The following UNC79 variants were observed in gnomAD, a reference collection of about 807,000 sequenced individuals.
UNC79 encodes unc-79 subunit of NALCN channel complex, also known as protein unc-79 homolog.
Under a neutral mutation model 283.1 loss-of-function variants are expected in UNC79, and 37 were observed. The ratio of observed to expected loss-of-function variants is 0.13; its 90% CI spans 0.10 to 0.17. UNC79 has a LOEUF of 0.17. Ranked by LOEUF, UNC79 falls within the 10% of genes least tolerant of loss-of-function variation. The pLI is 1.00. For missense variants in UNC79, 2,272 were observed against 3,211.1 expected (o/e 0.71, Z 7.07); for synonymous variants, 1,107 against 1,200.2 (o/e 0.92, Z 1.61).
chr14:93,680,060 C>T (rs752274894), intron 41 of UNC79, among the ~76,000 whole-genome samples: 1 of 152,136 alleles, frequency 6.6e-6, no homozygotes. Flanking sequence ...GAGGCTTATG[C>T]ACTTTTATTT....
At chr14:93,686,614 G>A in exon 43 of UNC79, 1 of 1,614,160 alleles carries the variant, frequency 6.2e-7, no homozygotes, top group Non-Finnish European at 8.5e-7. Flanking sequence ...GTACATCAAC[G>A]AAGTGCTGGA....
chr14:93,487,551 T>C, intron 4 of UNC79, 112 bp from the exon 5 acceptor site: 2 of 743,504 alleles, frequency 2.7e-6, no homozygotes, highest in Admixed American at 7.2e-5. Flanking sequence ...CCATTAGCTT[T>C]ATTGGAGCTA....
intron 26 of UNC79, among the ~76,000 whole-genome samples, chr14:93,611,709 A>G (rs895012483): frequency 2.0e-5 from 3 of 152,180 alleles, no homozygotes; most frequent in Non-Finnish European, 4.4e-5. Context: ...TTGGTTTATA[A>G]TGGTTTGTAA....
At chr14:93,695,005 C>T (rs2074988040) in intron 47 of UNC79, among the ~76,000 whole-genome samples, 1 of 152,168 alleles carries the variant, frequency 6.6e-6, no homozygotes, top group Non-Finnish European at 1.5e-5. Context: ...TGTCATCTCC[C>T]CTCCCTGGAT....
At chr14:93,691,595 G>A (rs557103591) in intron 45 of UNC79, 154 bp from the exon 49 acceptor site, 38 of 739,094 alleles carry the variant, frequency 5.1e-5, no homozygotes, top group Non-Finnish European at 8.5e-5. Context: ...ATAGTTTCAA[G>A]GTGATGAATC....
intron 7 of UNC79, among the ~76,000 whole-genome samples, chr14:93,501,885 A>G (rs1165716130): frequency 6.6e-6 from 1 of 152,184 alleles, no homozygotes; most frequent in African/African-American, 2.4e-5. Flanking sequence ...AGGAAAGTTT[A>G]AAGAATCACT....
At chr14:93,552,700 C>CT (rs569914201) in intron 14 of UNC79, among the ~76,000 whole-genome samples, 4,211 of 149,862 alleles carry the variant, frequency 0.028, 211 homozygotes, top group African/African-American at 0.098. Flanking sequence ...GCCATATAAA[C>CT]TTTTTTTTTT....
Position 93,474,054 on chromosome 14 carries a change from T to G in UNC79, c.144-35T>G. 1 of 1,499,672 alleles carries G rather than the reference T, an allele frequency of 6.7e-7. No individual in the cohort carries two copies. The highest frequency in any genetic ancestry group is 1.3e-5 in the South Asian group (1 of 78,648). The allele number at this position is 1,499,672 out of a possible 1,614,324, so 92.9% of individuals were successfully genotyped here. A position where few individuals can be genotyped will look rare whatever the true frequency, so the allele number is the denominator to read the frequency against. ...ATGTAATGTGCTGTTCTTTGTGTCT[T>G]TGTTGTCTCTTTTTTTTCTTTGTCC... On this transcript the variant is annotated intron_variant, in intron 2 of 48. Coordinates refer to ENST00000555664, the Ensembl canonical transcript of UNC79. This position sits in a 1 kb window ranked among gnomAD's most constrained non-coding sequence, Gnocchi z 4.1.
chr14:93,359,578 C>T (rs532195079), intron 1 of UNC79, among the ~76,000 whole-genome samples: 100 of 152,288 alleles, frequency 6.6e-4, no homozygotes, highest in African/African-American at 2.3e-3. Context: ...GGCAAAGCAA[C>T]AATTAGAATA....
At chr14:93,629,288 A>T (rs2067832457) in intron 30 of UNC79, among the ~76,000 whole-genome samples, 1 of 152,204 alleles carries the variant, frequency 6.6e-6, no homozygotes, top group Admixed American at 6.5e-5. Flanking sequence ...AATTAGCTTT[A>T]AGCTTTTTCA....
chr14:93,340,861 C>T (rs1030131463), intron 1 of UNC79, among the ~76,000 whole-genome samples: 1 of 152,152 alleles, frequency 6.6e-6, no homozygotes, highest in African/African-American at 2.4e-5. Flanking sequence ...TGTGAGCCAC[C>T]ATGTCTGGCC....
chr14:93,389,154 G>C (rs1405521627), intron 1 of UNC79, among the ~76,000 whole-genome samples: 1 of 152,128 alleles, frequency 6.6e-6, no homozygotes, highest in Non-Finnish European at 1.5e-5. Flanking sequence ...ATAAAATGGG[G>C]GTTAGGATGG....
chr14:93,596,266 T>C (rs768467316), intron 23 of UNC79, among the ~76,000 whole-genome samples: 1 of 152,194 alleles, frequency 6.6e-6, no homozygotes, highest in Non-Finnish European at 1.5e-5. Context: ...GAAAGGCCAC[T>C]CTAGGAGATC....
At chr14:93,627,418 TACA>T (rs1253996407) in intron 30 of UNC79, among the ~76,000 whole-genome samples, 4 of 152,198 alleles carry the variant, frequency 2.6e-5, no homozygotes, top group Non-Finnish European at 5.9e-5. Context: ...CTCAGCAGCT[TACA>T]ACAAGTATTT....
intron 7 of UNC79, among the ~76,000 whole-genome samples, chr14:93,513,171 TTCCCTCCC>T (rs373154513): frequency 1.4e-5 from 2 of 147,470 alleles, no homozygotes; most frequent in Admixed American, 6.8e-5. Flanking sequence ...TTTTTTGTTT[TTCCCTCCC>T]TCCCTCCCTC....
exon 20 of UNC79, chr14:93,582,265 T>G: frequency 6.2e-7 from 1 of 1,614,082 alleles, no homozygotes; most frequent in Non-Finnish European, 8.5e-7. Flanking sequence ...TCATAGGCCC[T>G]GAAGGGGAGG....
At chr14:93,640,486 G>C (rs2068922086) in intron 32 of UNC79, among the ~76,000 whole-genome samples, 1 of 152,164 alleles carries the variant, frequency 6.6e-6, no homozygotes, top group African/African-American at 2.4e-5. Flanking sequence ...AAATTAGCCA[G>C]GCATTGTGGC....
chr14:93,368,481 C>CT (rs201603284), intron 1 of UNC79, among the ~76,000 whole-genome samples: 9,691 of 151,282 alleles, frequency 0.064, 411 homozygotes, highest in Middle Eastern at 0.12. Flanking sequence ...ATGCCATTTT[C>CT]TTTTTTTTTG....
At chr14:93,587,055 CT>C in intron 22 of UNC79, 147 bp downstream of exon 22, 4 of 925,914 alleles carry the variant, frequency 4.3e-6, no homozygotes, top group Non-Finnish European at 4.6e-6. Context: ...TTTTATTTTT[CT>C]TTTTTAGTCT....
Sources: allele counts gnomAD v4.1 joint callset (sites outside exome capture counted in the v4.1 genomes callset), GRCh38; gene constraint gnomAD v4.1.1; non-coding constraint Gnocchi (gnomAD v3.1); transcripts MANE v1.5; gene names NCBI Gene and HGNC (gene_info 2026-07-23, HGNC 2026-07-21).